Variants in ALPL observed in about 807,000 individuals in gnomAD.
The protein encoded by ALPL is alkaline phosphatase, tissue-nonspecific isozyme.
In ALPL, 42 loss-of-function variants were observed where a neutral mutation model predicts 51.3. The ratio of observed to expected loss-of-function variants is 0.82; its 90% confidence interval spans 0.64 to 1.06. ALPL has a LOEUF of 1.06. Ranked by LOEUF, ALPL falls within the 50% of genes least tolerant of loss-of-function variation. The pLI is 0.00. For synonymous variants in ALPL, 279 were observed against 296.4 expected, an observed-to-expected ratio of 0.94 and a Z score of 0.60; for missense variants, 589 against 709.4, an observed-to-expected ratio of 0.83 and a Z score of 1.93.
rs115466351 is a variant in ALPL, at chr1:21,557,773, G to T, written c.62-2853G>T. Among the ~76,000 whole-genome samples, 6 of 152,148 alleles carry T rather than the reference G, an allele frequency of 3.9e-5. No individual in the cohort carries two copies. In the South Asian group the frequency reaches 1.2e-3, roughly 32 times the overall value. ...AATTAGATATAACTTACAGAAAAGG[G>T]CACCGATCTTAAATACATAGCCTGA... On this transcript the variant is annotated intron_variant, in intron 2 of 11. Transcript: ENST00000374840.
At chr1:21,560,535 A>G in intron 2 of ALPL, 91 bp from the exon 3 acceptor site, 1 of 1,539,788 alleles carries the variant, frequency 6.5e-7, no homozygotes, top group Non-Finnish European at 8.9e-7. Flanking sequence ...CAGGCATTCC[A>G]GCCTGAGCAA....
chr1:21,536,005 C>T (rs1644101206), intron 1 of ALPL, among the ~76,000 whole-genome samples: 1 of 152,180 alleles, frequency 6.6e-6, no homozygotes, highest in African/African-American at 2.4e-5. Context: ...GAATTATAAC[C>T]AGTCATTACC....
intron 1 of ALPL, among the ~76,000 whole-genome samples, chr1:21,524,323 A>G (rs1162903556): frequency 6.6e-6 from 1 of 152,034 alleles, no homozygotes; most frequent in African/African-American, 2.4e-5. Context: ...TTTTACAGGT[A>G]AAGAATGGAA....
intron 1 of ALPL, among the ~76,000 whole-genome samples, chr1:21,550,294 T>C (rs1176204139): frequency 6.6e-6 from 1 of 152,188 alleles, no homozygotes; most frequent in Non-Finnish European, 1.5e-5. Flanking sequence ...GGTAACCTGA[T>C]TGCTAATTCT....
At chr1:21,569,831 A>T (rs1644620907) in intron 7 of ALPL, among the ~76,000 whole-genome samples, 1 of 152,134 alleles carries the variant, frequency 6.6e-6, no homozygotes, top group Non-Finnish European at 1.5e-5. Context: ...CTCCCCTCCC[A>T]GATGGGGTCC....
rs779238016 is a variant in ALPL at position 21,564,986 on chromosome 1, C to T, written c.648+770C>T. On this transcript the variant is annotated intron_variant, in intron 6 of 11. Transcript: ENST00000374840. This position sits in a 1 kb window ranked among gnomAD's most constrained non-coding sequence, Gnocchi z 5.8. ...TGTTCTTAAGTGAGAATGCCCGGCT[C>T]GTTCCTTTTCAGGCTTTTATTGCCT... is the stretch of plus-strand genomic sequence containing the variant. 6.6e-6 allele frequency among the ~76,000 whole-genome samples: 1 copy of T among 152,180 alleles called. No homozygotes were observed. Among genetic ancestry groups the T allele is most frequent in the East Asian group, 1.9e-4 (1 of 5,194 alleles).
chr1:21,525,092 T>C (rs1368715288), intron 1 of ALPL, among the ~76,000 whole-genome samples: 1 of 152,250 alleles, frequency 6.6e-6, no homozygotes, highest in Admixed American at 6.5e-5. Flanking sequence ...GTGAGAACTT[T>C]GTTCTGAAAT....
At chr1:21,576,394 G>T in intron 10 of ALPL, 128 bp from the exon 11 acceptor site, 1 of 1,281,376 alleles carries the variant, frequency 7.8e-7, no homozygotes, top group Non-Finnish European at 1.1e-6. Context: ...GTGGCTTCTT[G>T]GAGGCATTGC....
chr1:21,513,445 A>G (rs1643731332), intron 1 of ALPL, among the ~76,000 whole-genome samples: 1 of 152,336 alleles, frequency 6.6e-6, no homozygotes, highest in Non-Finnish European at 1.5e-5. Flanking sequence ...TATTAAGCTC[A>G]GGAGAGCTGA....
chr1:21,513,739 T>C (rs1643737175), intron 1 of ALPL, among the ~76,000 whole-genome samples: 1 of 152,236 alleles, frequency 6.6e-6, no homozygotes, highest in Admixed American at 6.5e-5. Context: ...TAGTTGCTGG[T>C]GTTTTTAAAC....
At chr1:21,572,367 C>A (rs1450611258) in intron 8 of ALPL, among the ~76,000 whole-genome samples, 1 of 152,110 alleles carries the variant, frequency 6.6e-6, no homozygotes. Context: ...GCACATTGCT[C>A]TCTATAGAGC....
intron 1 of ALPL, among the ~76,000 whole-genome samples, chr1:21,527,015 G>GTTCTTTTCTTTCCTTTTCTTTTCTT (rs1643953447): frequency 7.1e-6 from 1 of 140,528 alleles, no homozygotes; most frequent in South Asian, 2.2e-4. Flanking sequence ...TGTTATTCTT[G>GTTCTTTTCTTTCCTTTTCTTTTCTT]TTCTTTTCTT....
chr1:21,577,424 C>T lies in ALPL; in HGVS notation c.1351C>T (p.His451Tyr), dbSNP rs758125155. 5 of 1,613,146 alleles carry T rather than the reference C, an allele frequency of 3.1e-6. No homozygotes were observed. The highest frequency in any genetic ancestry group is 4.2e-6 in the Non-Finnish European group (5 of 1,179,972). ...YQAQSAVPLR[H>Y]ETHGGEDVAV... Reference sequence around the variant, plus strand: ...GGCGCAGTCTGCTGTGCCCCTGCGCCACGAGACCCACGGCGGGGAGGACGT... The same window carrying T: ...GGCGCAGTCTGCTGTGCCCCTGCGCTACGAGACCCACGGCGGGGAGGACGT... Residue 451 changes from histidine (H) to tyrosine (Y), a missense_variant, in exon 12 of 12, where the codon CAC becomes TAC. By Grantham distance (83) the His-to-Tyr change is moderately conservative (BLOSUM62 2). Coordinates refer to ENST00000374840, the MANE Select transcript of ALPL (RefSeq NM_000478.6).
At chr1:21,549,225 C>T (rs1418405643) in intron 1 of ALPL, among the ~76,000 whole-genome samples, 1 of 152,158 alleles carries the variant, frequency 6.6e-6, no homozygotes, top group Non-Finnish European at 1.5e-5. Flanking sequence ...ATTCCCTCTC[C>T]CTAGGTGAGC....
rs138690664 is a variant in ALPL, at chr1:21,577,421, C to A, written c.1348C>A (p.Arg450Ser). The change falls in exon 12 of 12, where the codon CGC becomes AGC. Residue 450 changes from arginine (R) to serine (S), a missense_variant. Coordinates refer to ENST00000374840, the MANE Select transcript of ALPL (RefSeq NM_000478.6). ...NYQAQSAVPL[R>S]HETHGGEDVA... Reference sequence around the variant, plus strand: ...CCAGGCGCAGTCTGCTGTGCCCCTGCGCCACGAGACCCACGGCGGGGAGGA... The same window carrying A: ...CCAGGCGCAGTCTGCTGTGCCCCTGAGCCACGAGACCCACGGCGGGGAGGA... 2 of 1,613,074 alleles carry A rather than the reference C, an allele frequency of 1.2e-6. No individual in the cohort carries two copies. Among genetic ancestry groups the A allele is most frequent in the African/African-American group, 1.3e-5 (1 of 74,932 alleles).
chr1:21,533,875 A>G (rs1354925905), intron 1 of ALPL, among the ~76,000 whole-genome samples: 1 of 151,524 alleles, frequency 6.6e-6, no homozygotes, highest in East Asian at 1.9e-4. Context: ...GTGAGCCGAG[A>G]TCGTGCCATT....
chr1:21,511,316 C>T (rs1643682833), intron 1 of ALPL, among the ~76,000 whole-genome samples: 1 of 152,206 alleles, frequency 6.6e-6, no homozygotes, highest in Admixed American at 6.5e-5. Flanking sequence ...CAAAGGCAGC[C>T]TTGCTGTGGG....
intron 1 of ALPL, among the ~76,000 whole-genome samples, chr1:21,533,288 C>T (rs952749710): frequency 4.6e-5 from 7 of 152,196 alleles, no homozygotes; most frequent in African/African-American, 1.2e-4. Context: ...AGAGTACCTA[C>T]CTCAAAGTGT....
Position 21,575,805 on chromosome 1 carries a change from G to A in ALPL, c.1070G>A (p.Arg357Gln), listed in dbSNP as rs202022405. The change falls in exon 10 of 12, where the codon CGG becomes CAG. Residue 357 changes from arginine to glutamine, a missense_variant. Arg to Gln is a conservative substitution (Grantham distance 43, BLOSUM62 1). Transcript: ENST00000374840. ...CTGCATGAGGCGGTGGAGATGGACCGGGCCATCGGGCAGGCAGGCAGCTTG... is the reference window on the plus strand; with the variant it reads ...CTGCATGAGGCGGTGGAGATGGACCAGGCCATCGGGCAGGCAGGCAGCTTG... ...QALHEAVEMD[R>Q]AIGQAGSLTS... 42 of 1,614,224 alleles carry A rather than the reference G, an allele frequency of 2.6e-5. No individual in the cohort carries two copies. Among genetic ancestry groups the A allele is most frequent in the Middle Eastern group, 3.3e-4 (2 of 6,062 alleles).
Sources: gnomAD v4.1 joint callset for allele counts (sites outside exome capture counted in the v4.1 genomes callset) on GRCh38, gnomAD v4.1.1 for gene constraint, Gnocchi (gnomAD v3.1) non-coding constraint, MANE v1.5 for transcripts, NCBI Gene and HGNC (gene_info 2026-07-23, HGNC 2026-07-21) for gene names.